Variants in PGBD1 observed in about 807,000 individuals in gnomAD.
The protein encoded by PGBD1 is piggyBac transposable element-derived protein 1.
PGBD1 carries 25 observed loss-of-function variants against 34.7 expected under a neutral mutation model. That is an observed-to-expected ratio of 0.72 (90% CI 0.52 to 1.00). PGBD1 has a LOEUF of 1.00. PGBD1 is among the 50% of genes least tolerant of loss of function. The pLI is 0.00. For missense variants in PGBD1, 830 were observed against 959.4 expected (o/e 0.87, Z 1.78); for synonymous variants, 292 against 335.7 (o/e 0.87, Z 1.42).
Position 28,284,158 on chromosome 6 carries a change from A to G in PGBD1, c.345A>G (p.Ala115=), listed in dbSNP as rs202115881. The change falls in exon 2 of 7, where the codon GCA becomes GCG. Residue 115 remains alanine, a synonymous_variant. Coordinates refer to ENST00000682144, the MANE Select transcript of PGBD1 (RefSeq NM_032507.4). ...ATCCTCTGGAGAGTGGAGAGGAGGC[A>G]GTGACAGTGCTGGAGAATCTAGAGA... ...KTYPLESGEE[A]VTVLENLETG... 6.3e-7 allele frequency: 1 copy of G among 1,599,018 alleles called. No individual in the cohort carries two copies. The highest frequency in any genetic ancestry group is 2.2e-5 in the East Asian group (1 of 44,662).
In PGBD1 at chr6:28,296,764, A is replaced by T. The variant is rs1192248636; in HGVS notation, c.643-52A>T. On this transcript the variant is annotated intron_variant, in intron 4 of 6. Coordinates refer to ENST00000682144, the MANE Select transcript of PGBD1 (RefSeq NM_032507.4). ...GGTATTCAACACCCTTCACAACTGG[A>T]TTCCTTACCATGTGAAAACAAAGAG... The T allele has an allele frequency of 5.6e-6, 9 of 1,604,194 alleles. No homozygotes were observed. The Admixed American group carries it at 1.3e-4, about 24-fold the overall frequency.
rs529882731 is a variant in PGBD1 at position 28,288,800 on chromosome 6, C to T, written c.642+1632C>T. Among the ~76,000 whole-genome samples the T allele has an allele frequency of 1.2e-4, 18 of 152,110 alleles. No homozygotes were observed. The South Asian group carries it at 3.7e-3, about 32-fold the overall frequency. On this transcript the variant is annotated intron_variant, in intron 4 of 6. Transcript: ENST00000682144. The stretch of plus-strand genomic sequence containing the variant: ...GTCAGGAGTTCGAGACCAGCCTGGC[C>T]TACCTGGCAAAACCCCGTCTCTACT...
intron 4 of PGBD1, among the ~76,000 whole-genome samples, chr6:28,293,463 T>C (rs1025389413): frequency 2.0e-5 from 3 of 152,230 alleles, no homozygotes; most frequent in Non-Finnish European, 4.4e-5. Context: ...CTTCCTTCAT[T>C]GTGTTTCACT....
rs771748973 is a variant in PGBD1 at position 28,285,553 on chromosome 6, C to A, written c.399C>A (p.Ala133=). The change falls in exon 3 of 7, where the codon GCC becomes GCA. Residue 133 remains alanine (A), a splice_region_variant and synonymous_variant. Transcript: ENST00000682144. The part of the protein sequence containing the change: ...ETGSGDTGQQ[A]SVYIQGQDMH... ...CAAAATAAATCTTTTGTTTCCAGGC[C>A]TCTGTCTATATTCAGGGACAGGACA... 1.5e-5 allele frequency: 24 copies of A among 1,613,542 alleles called. No homozygotes were observed. The highest frequency in any genetic ancestry group is 1.9e-5 in the Non-Finnish European group (23 of 1,179,796).
In PGBD1 at chr6:28,301,711, G is replaced by A. The variant is rs765038234; in HGVS notation, c.1857G>A (p.Gln619=). The change falls in exon 7 of 7, where the codon CAG becomes CAA. Residue 619 remains glutamine, a synonymous_variant. Coordinates refer to ENST00000682144, the MANE Select transcript of PGBD1 (RefSeq NM_032507.4). ...CTGATGTTCTTTTAGAGAGAGGTCA[G>A]TATCCCTATCACCTGTGTTTTGATA... ...NFADVLLERG[Q]YPYHLCFDSF... 3.2e-5 allele frequency: 51 copies of A among 1,614,034 alleles called. No individual in the cohort carries two copies. The highest frequency in any genetic ancestry group is 2.4e-5 in the Non-Finnish European group (28 of 1,180,026).
At chr6:28,291,285 A>G (rs947253557) in intron 4 of PGBD1, among the ~76,000 whole-genome samples, 1 of 152,012 alleles carries the variant, frequency 6.6e-6, no homozygotes, top group Non-Finnish European at 1.5e-5. Context: ...GACCTCAGAA[A>G]TACAAAGAAA....
intron 3 of PGBD1, 64 bp from the exon 4 acceptor site, chr6:28,287,016 T>C: frequency 7.8e-7 from 1 of 1,283,074 alleles, no homozygotes; most frequent in Non-Finnish European, 1.1e-6. Flanking sequence ...AGGCTGGGTC[T>C]CCAAAAAGGG....
chr6:28,295,571 A>G (rs569339623), intron 4 of PGBD1, among the ~76,000 whole-genome samples: 14 of 152,222 alleles, frequency 9.2e-5, no homozygotes, highest in Non-Finnish European at 1.6e-4. Flanking sequence ...ACATCGCAGG[A>G]AGCCCCTCTA....
intron 6 of PGBD1, among the ~76,000 whole-genome samples, chr6:28,299,097 A>T (rs1477398113): frequency 6.6e-6 from 1 of 152,216 alleles, no homozygotes; most frequent in Non-Finnish European, 1.5e-5. Flanking sequence ...AGGCTCCACT[A>T]AAGGAAGAGA....
intron 6 of PGBD1, 77 bp downstream of exon 6, chr6:28,298,068 T>C (rs1762714920): frequency 2.0e-6 from 2 of 982,492 alleles, no homozygotes; most frequent in Admixed American, 2.2e-5. Flanking sequence ...AACCAATTGG[T>C]CAAAGGCCTG....
chr6:28,297,983 G>C lies in PGBD1; in HGVS notation c.861G>C (p.Lys287Asn), dbSNP rs1762711378. Residue 287 changes from lysine to asparagine, a missense_variant, in exon 6 of 7, where the codon AAG becomes AAC. Coordinates refer to ENST00000682144, the MANE Select transcript of PGBD1 (RefSeq NM_032507.4). ...AACAAAGTGGAGAAGCCTCAGGAAA[G>C]CCCAACAGGTGAGTGTCCATGGTCC... is the stretch of plus-strand genomic sequence containing the variant. ...EMEQSGEASG[K>N]PNRECAPQIP... 2 of 1,606,410 alleles carry C rather than the reference G, an allele frequency of 1.2e-6. No homozygotes were observed. The highest frequency in any genetic ancestry group is 4.5e-5 in the East Asian group (2 of 44,826).
In PGBD1 at chr6:28,283,796, T is replaced by G; in HGVS notation, c.-18T>G. On this transcript the variant is annotated 5_prime_UTR_variant, in exon 2 of 7. Coordinates refer to ENST00000682144, the MANE Select transcript of PGBD1 (RefSeq NM_032507.4). ...TATAGACCCCAAGCTAAGTGAAGCT[T>G]TAGCCTCTAAGCTCAACATGTATGA... 6.4e-7 allele frequency: 1 copy of G among 1,551,048 alleles called. No individual in the cohort carries two copies. The highest frequency in any genetic ancestry group is 1.2e-5 in the South Asian group (1 of 81,764).
chr6:28,287,011 G>T, intron 3 of PGBD1, 69 bp from the exon 4 acceptor site: 1 of 1,162,834 alleles, frequency 8.6e-7, no homozygotes, highest in Non-Finnish European at 1.3e-6. Flanking sequence ...GGAAAAGGCT[G>T]GGTCTCCAAA....
In PGBD1 at chr6:28,302,341, T is replaced by C. The variant is rs931628104; in HGVS notation, c.*57T>C. The C allele has an allele frequency of 8.0e-6, 12 of 1,508,500 alleles. No homozygotes were observed. The South Asian group carries it at 1.2e-4, about 15-fold the overall frequency. 93.4% of individuals were successfully genotyped at this position (1,508,500 alleles called of 1,614,324 possible). ...ATAAGACATAGAAAAATAATAATTA[T>C]ACATGCTGTTGTACCCTCCCAAAGT... is the stretch of plus-strand genomic sequence containing the variant. On this transcript the variant is annotated 3_prime_UTR_variant, in exon 7 of 7. Transcript: ENST00000682144.
In PGBD1 at chr6:28,300,046, AG is replaced by A. The variant is rs1363125697; in HGVS notation, c.870-677del. Among the ~76,000 whole-genome samples the A allele has an allele frequency of 6.6e-6, 1 of 151,614 alleles. No individual in the cohort carries two copies. The highest frequency in any genetic ancestry group is 2.4e-5 in the African/African-American group (1 of 41,338). ...CAAAACTTTTCATCTTTGTAACTTT[AG>A]CTTACTTCCTTGTAAACCCCATAAA... On this transcript the variant is annotated intron_variant, in intron 6 of 6. Transcript: ENST00000682144. The surrounding 1 kb of genome is among the most constrained non-coding windows in gnomAD (Gnocchi z 4.0).
chr6:28,301,695 T>C lies in PGBD1; in HGVS notation c.1841T>C (p.Leu614Pro), dbSNP rs1330742334. 6 of 1,614,038 alleles carry C rather than the reference T, an allele frequency of 3.7e-6. No homozygotes were observed. The highest frequency in any genetic ancestry group is 1.7e-5 in the Admixed American group (1 of 60,002). ...CTAGTGATGAACTTCGCTGATGTTCTTTTAGAGAGAGGTCAGTATCCCTAT... is the reference window on the plus strand; with the variant it reads ...CTAGTGATGAACTTCGCTGATGTTCCTTTAGAGAGAGGTCAGTATCCCTAT... ...GNLVMNFADVLLERGQYPYHL... is the reference protein window; with the variant it reads ...GNLVMNFADVPLERGQYPYHL... Residue 614 changes from leucine to proline, a missense_variant, in exon 7 of 7, where the codon CTT (leucine) becomes CCT (proline). Around this residue, in one of 3 missense-constraint regions of PGBD1, gnomAD observed 372 missense variants for 427.9 expected, o/e 0.87. Coordinates refer to ENST00000682144, the MANE Select transcript of PGBD1 (RefSeq NM_032507.4).
At chr6:28,286,196 C>T (rs1276132563) in intron 3 of PGBD1, among the ~76,000 whole-genome samples, 1 of 152,150 alleles carries the variant, frequency 6.6e-6, no homozygotes, top group African/African-American at 2.4e-5. Context: ...GCAATAAAAA[C>T]ATTCCATAGT....
intron 4 of PGBD1, among the ~76,000 whole-genome samples, chr6:28,291,392 T>C (rs1269869516): frequency 6.6e-6 from 1 of 151,636 alleles, no homozygotes; most frequent in African/African-American, 2.4e-5. Context: ...GATTGGACCA[T>C]GAAAAAATAG....
At position 28,287,181 on chromosome 6, in the gene PGBD1, C is replaced by T. The variant is rs1762313026; in HGVS notation, c.642+13C>T. ...AGTCAGGTCCCAGGTAAGTAGGATG[C>T]CCAAGCTTGTAGGAATATCAGTAGT... On this transcript the variant is annotated intron_variant, in intron 4 of 6. Coordinates refer to ENST00000682144, the MANE Select transcript of PGBD1 (RefSeq NM_032507.4). 6.3e-6 allele frequency: 10 copies of T among 1,590,480 alleles called. No individual in the cohort carries two copies. The highest frequency in any genetic ancestry group is 7.8e-6 in the Non-Finnish European group (9 of 1,158,550).
Sources: allele counts gnomAD v4.1 joint callset (sites outside exome capture counted in the v4.1 genomes callset), GRCh38; gene constraint gnomAD v4.1.1; regional missense constraint gnomAD v4.1.1; non-coding constraint Gnocchi (gnomAD v3.1); transcripts MANE v1.5; gene names NCBI Gene and HGNC (gene_info 2026-07-23, HGNC 2026-07-21).